CLVS1: variants seen among roughly 807,000 people sequenced by gnomAD.
The protein encoded by CLVS1 is clavesin 1, also known as clavesin-1.
Under a neutral mutation model 33.1 loss-of-function variants are expected in CLVS1, and 10 were observed. That is an observed-to-expected ratio of 0.30 (90% CI 0.19 to 0.51). The LOEUF is 0.51. CLVS1 is among the 20% of genes least tolerant of loss of function. The pLI is 0.97. For missense variants in CLVS1, 343 were observed against 433.4 expected, an observed-to-expected ratio of 0.79 and a Z score of 1.85; for synonymous variants, 163 against 166.1, an observed-to-expected ratio of 0.98 and a Z score of 0.14.
intron 2 of CLVS1, among the ~76,000 whole-genome samples, chr8:61,325,053 A>G (rs978818608): frequency 6.6e-5 from 10 of 152,208 alleles, no homozygotes; most frequent in Admixed American, 5.9e-4. Context: ...AGGGACAGAA[A>G]ATGTTCTTTG....
upstream of CLVS1, among the ~76,000 whole-genome samples, chr8:61,054,399 G>A (rs1273101201): frequency 6.6e-6 from 1 of 152,202 alleles, no homozygotes; most frequent in Non-Finnish European, 1.5e-5. Context: ...AGGACCTTAT[G>A]ACAGCCAAGC....
At chr8:61,047,648 T>C in the CLVS1 span, among the ~76,000 whole-genome samples, 1 of 152,176 alleles carries the variant, frequency 6.6e-6, no homozygotes, top group Admixed American at 6.5e-5. Flanking sequence ...TGTAGGGACA[T>C]GGATGAAATT....
At chr8:61,400,391 A>C (rs964736348) in intron 3 of CLVS1, among the ~76,000 whole-genome samples, 1 of 152,152 alleles carries the variant, frequency 6.6e-6, no homozygotes, top group Non-Finnish European at 1.5e-5. Flanking sequence ...TTGTATCCTG[A>C]GATTTTGGTG....
Position 61,446,617 on chromosome 8 carries a change from A to G in CLVS1, c.631-7524A>G, listed in dbSNP as rs150281192. On this transcript the variant is annotated intron_variant, in intron 3 of 5. Coordinates refer to ENST00000325897, the MANE Select transcript of CLVS1 (RefSeq NM_173519.3). ...ACCGGTCCTACTCCCTTGATAACTC[A>G]TTAATCCATTGGTCTACAAATGGTT... Among the ~76,000 whole-genome samples the G allele has an allele frequency of 4.1e-3, 617 of 152,238 alleles. 1 individual carries two copies. Among genetic ancestry groups the G allele is most frequent in the Non-Finnish European group, 6.8e-3 (463 of 68,028 alleles).
chr8:61,393,367 T>G (rs1814385749), intron 3 of CLVS1, among the ~76,000 whole-genome samples: 1 of 152,196 alleles, frequency 6.6e-6, no homozygotes, highest in Admixed American at 6.5e-5. Context: ...CCTTCTTGAG[T>G]AGCTTAATAA....
intron 2 of CLVS1, among the ~76,000 whole-genome samples, chr8:61,342,249 C>T (rs1222677724): frequency 3.3e-5 from 5 of 152,246 alleles, no homozygotes; most frequent in Non-Finnish European, 1.5e-5. Context: ...CAACCAGAGC[C>T]GGCTTAGGCT....
chr8:61,194,133 G>A (rs1807552717), intron 2 of CLVS1, among the ~76,000 whole-genome samples: 1 of 151,918 alleles, frequency 6.6e-6, no homozygotes, highest in Non-Finnish European at 1.5e-5. Flanking sequence ...AAGAAGAAAA[G>A]GAAGAAGGCA....
chr8:61,366,164 C>G (rs4738885), intron 2 of CLVS1, among the ~76,000 whole-genome samples: 57,727 of 152,008 alleles, frequency 0.38, 13,272 homozygotes, highest in East Asian at 0.64. Flanking sequence ...TCTTCTGCTG[C>G]TGCTCTCTAT....
chr8:61,399,944 A>G (rs1046688387), intron 3 of CLVS1, among the ~76,000 whole-genome samples: 8 of 152,156 alleles, frequency 5.3e-5, no homozygotes, highest in Non-Finnish European at 1.0e-4. Flanking sequence ...GCAGCCTTGC[A>G]GTATAGTTTG....
intron 5 of CLVS1, among the ~76,000 whole-genome samples, chr8:61,472,669 TATTC>T (rs1817772913): frequency 6.6e-6 from 1 of 152,198 alleles, no homozygotes; most frequent in Admixed American, 6.5e-5. Flanking sequence ...TTAAAAATTT[TATTC>T]ATTCATTCAA....
At chr8:61,241,388 C>T (rs1043792620) in intron 2 of CLVS1, among the ~76,000 whole-genome samples, 2 of 151,788 alleles carry the variant, frequency 1.3e-5, no homozygotes, top group Admixed American at 1.3e-4. Context: ...TCAAGTTTGT[C>T]ATAATATATT....
chr8:61,178,325 C>T (rs1807157728), intron 2 of CLVS1, among the ~76,000 whole-genome samples: 1 of 151,868 alleles, frequency 6.6e-6, no homozygotes, highest in African/African-American at 2.4e-5. Flanking sequence ...TGAACAAAAC[C>T]ACCAAGAAAT....
At chr8:61,189,800 ATCAAT>A (rs1245200201) in intron 2 of CLVS1, among the ~76,000 whole-genome samples, 2 of 152,222 alleles carry the variant, frequency 1.3e-5, no homozygotes, top group Non-Finnish European at 2.9e-5. Context: ...TGGTAAAGGG[ATCAAT>A]TCAACAAGAA....
At chr8:61,118,423 T>C (rs1805786168) in intron 1 of CLVS1, among the ~76,000 whole-genome samples, 1 of 79,618 alleles carries the variant, frequency 1.3e-5, no homozygotes, top group East Asian at 3.2e-3. Flanking sequence ...AGCTTTTGAA[T>C]GTGTTTGCTC....
chr8:61,069,274 C>T (rs1804745372), intron 1 of CLVS1, among the ~76,000 whole-genome samples: 1 of 152,118 alleles, frequency 6.6e-6, no homozygotes, highest in African/African-American at 2.4e-5. Context: ...AGCCAGAATT[C>T]TTTTTACAAT....
chr8:61,224,950 T>C (rs1453199751), intron 2 of CLVS1, among the ~76,000 whole-genome samples: 1 of 152,188 alleles, frequency 6.6e-6, no homozygotes, highest in Non-Finnish European at 1.5e-5. Flanking sequence ...TTGTAGCTTT[T>C]AGAGAAATAG....
the CLVS1 span, chr8:60,965,774 A>G: frequency 6.6e-6 from 1 of 152,206 alleles, no homozygotes; most frequent in Non-Finnish European, 1.5e-5. Context: ...TTTACCATTT[A>G]TGAAACTGCG....
At position 61,214,056 on chromosome 8, in the gene CLVS1, A is replaced by G. The variant is rs375589414; in HGVS notation, c.-152+82196A>G. ...GACCCCAGTCTCCCATAGCGCTCCC[A>G]GGCTTGTTAGGAAGAGGAAATTCCC... On this transcript the variant is annotated intron_variant, in intron 2 of 2. Coordinates refer to the CLVS1 transcript ENST00000522621. Among the ~76,000 whole-genome samples, 8 of 152,168 alleles carry G rather than the reference A, an allele frequency of 5.3e-5. No individual in the cohort carries two copies. The East Asian group carries it at 5.8e-4, about 11-fold the overall frequency.
chr8:61,416,661 C>T (rs1359404958), intron 3 of CLVS1, among the ~76,000 whole-genome samples: 1 of 152,154 alleles, frequency 6.6e-6, no homozygotes, highest in Non-Finnish European at 1.5e-5. Flanking sequence ...AGTAGCTTCC[C>T]CCAGGCCTGC....
Sources: allele counts gnomAD v4.1 joint callset (sites outside exome capture counted in the v4.1 genomes callset), GRCh38; gene constraint gnomAD v4.1.1; transcripts MANE v1.5; gene names NCBI Gene and HGNC (gene_info 2026-07-23, HGNC 2026-07-21).